The following DHX15 variants were observed in gnomAD, a reference collection of about 807,000 sequenced individuals.
DHX15 encodes the protein DEAH-box helicase 15.
In DHX15, 11 loss-of-function variants were observed where a neutral mutation model predicts 94.4. The ratio of observed to expected loss-of-function variants is 0.12; its 90% CI spans 0.07 to 0.19. The LOEUF (loss-of-function observed/expected upper bound fraction) is 0.19, where lower values mean the gene tolerates loss of function less well. Ranked by LOEUF, DHX15 falls within the 10% of genes least tolerant of loss-of-function variation. The pLI is 1.00. For synonymous variants in DHX15, 338 were observed against 329.9 expected, an observed-to-expected ratio of 1.02 and a Z score of -0.27; for missense variants, 304 against 988.5, an observed-to-expected ratio of 0.31 and a Z score of 9.29.
intron 6 of DHX15, among the ~76,000 whole-genome samples, chr4:24,548,138 T>C (rs998416270): frequency 2.9e-5 from 4 of 139,476 alleles, no homozygotes; most frequent in African/African-American, 7.9e-5. Flanking sequence ...TGATCAGTGC[T>C]ACTTTTTTTT....
intron 5 of DHX15, among the ~76,000 whole-genome samples, chr4:24,554,000 C>T (rs1010227087): frequency 6.6e-6 from 1 of 151,926 alleles, no homozygotes; most frequent in African/African-American, 2.4e-5. Context: ...GAGTGGATCA[C>T]GAGGTCAGGA....
At chr4:24,545,420 C>T (rs910162327) in intron 6 of DHX15, among the ~76,000 whole-genome samples, 1 of 152,148 alleles carries the variant, frequency 6.6e-6, no homozygotes, top group South Asian at 2.1e-4. Flanking sequence ...CTTAACAATT[C>T]GCGGATACAT....
intron 3 of DHX15, among the ~76,000 whole-genome samples, chr4:24,565,371 G>A (rs1721970233): frequency 6.6e-6 from 1 of 152,164 alleles, no homozygotes; most frequent in African/African-American, 2.4e-5. Context: ...AACTGCCTCA[G>A]TGTTAAATAA....
At chr4:24,547,961 C>A (rs1167450280) in intron 6 of DHX15, among the ~76,000 whole-genome samples, 19 of 107,038 alleles carry the variant, frequency 1.8e-4, no homozygotes, top group African/African-American at 7.1e-4. Flanking sequence ...ATATCTATAT[C>A]TATCTGCTGA....
intron 6 of DHX15, among the ~76,000 whole-genome samples, chr4:24,544,731 T>C (rs1030236070): frequency 1.3e-5 from 2 of 152,330 alleles, no homozygotes; most frequent in South Asian, 2.1e-4. Context: ...CAAGCTTGTA[T>C]TCCTTTTATA....
chr4:24,553,420 G>C (rs1356635875), intron 5 of DHX15, among the ~76,000 whole-genome samples: 1 of 152,030 alleles, frequency 6.6e-6, no homozygotes, highest in Non-Finnish European at 1.5e-5. Flanking sequence ...AGGACAAAAC[G>C]ATTATCCCAA....
intron 13 of DHX15, 53 bp from the exon 14 acceptor site, chr4:24,528,094 G>A: frequency 7.9e-7 from 1 of 1,263,002 alleles, no homozygotes; most frequent in Non-Finnish European, 1.2e-6. Context: ...TTGAAGTACT[G>A]GAGTTGTTAA....
chr4:24,562,148 AAAAAAAAT>A (rs1293170639), intron 3 of DHX15, among the ~76,000 whole-genome samples: 4 of 147,384 alleles, frequency 2.7e-5, no homozygotes, highest in African/African-American at 7.7e-5. Context: ...AAAAAAAAAA[AAAAAAAAT>A]CTGTACACCA....
chr4:24,574,372 G>C (rs1014294980), intron 2 of DHX15, among the ~76,000 whole-genome samples: 3 of 152,084 alleles, frequency 2.0e-5, no homozygotes, highest in African/African-American at 7.2e-5. Flanking sequence ...TTTTTAAACT[G>C]TTTGGTTTCC....
At chr4:24,543,648 C>T (rs1283148824) in intron 6 of DHX15, among the ~76,000 whole-genome samples, 1 of 152,016 alleles carries the variant, frequency 6.6e-6, no homozygotes, top group South Asian at 2.1e-4. Flanking sequence ...TCTTTATTGA[C>T]GGAAAATGTT....
chr4:24,553,013 T>C (rs577643437), intron 5 of DHX15, among the ~76,000 whole-genome samples: 4 of 152,238 alleles, frequency 2.6e-5, no homozygotes, highest in Admixed American at 1.3e-4. Flanking sequence ...ATGACAATTT[T>C]AAATAGTGAT....
At chr4:24,566,678 T>G (rs1459481799) in intron 3 of DHX15, among the ~76,000 whole-genome samples, 2 of 151,928 alleles carry the variant, frequency 1.3e-5, no homozygotes, top group African/African-American at 4.8e-5. Flanking sequence ...ATACAAAAAG[T>G]AGCTGGGCAT....
intron 6 of DHX15, among the ~76,000 whole-genome samples, chr4:24,544,122 T>A (rs1375355885): frequency 1.3e-5 from 2 of 152,112 alleles, no homozygotes; most frequent in East Asian, 1.9e-4. Flanking sequence ...TAAAGTTCCA[T>A]CTTAAAAAAA....
chr4:24,532,740 T>C, intron 12 of DHX15, 124 bp downstream of exon 12: 2 of 694,440 alleles, frequency 2.9e-6, no homozygotes, highest in Non-Finnish European at 4.7e-6. Flanking sequence ...TGTACCAACA[T>C]TTAAGATAAA....
chr4:24,538,195 T>C (rs1721233283), intron 10 of DHX15: 1 of 152,188 alleles, frequency 6.6e-6, no homozygotes, highest in South Asian at 2.1e-4. Context: ...TTTTAAAAGC[T>C]CTTAAAACCT....
chr4:24,568,635 T>C (rs1425731239), intron 3 of DHX15, among the ~76,000 whole-genome samples: 2 of 152,170 alleles, frequency 1.3e-5, no homozygotes, highest in Non-Finnish European at 2.9e-5. Flanking sequence ...AGCACCAATA[T>C]TGCATAACTT....
At chr4:24,549,121 C>T (rs1721529888) in intron 5 of DHX15, 99 bp from the exon 6 acceptor site, 2 of 960,070 alleles carry the variant, frequency 2.1e-6, no homozygotes, top group South Asian at 5.7e-5. Flanking sequence ...ATGCCATCTT[C>T]TTTCACTTCA....
intron 7 of DHX15, 113 bp downstream of exon 7, chr4:24,542,827 T>TA (rs957364592): frequency 7.6e-4 from 585 of 767,872 alleles, no homozygotes; most frequent in South Asian, 9.9e-4. Flanking sequence ...AATTTGCAAA[T>TA]AAAAAAAAAG....
intron 2 of DHX15, among the ~76,000 whole-genome samples, chr4:24,575,099 T>C (rs1345485345): frequency 2.0e-5 from 3 of 151,370 alleles, no homozygotes; most frequent in African/African-American, 7.3e-5. Context: ...TGACGCTGTG[T>C]TCATACCACT....
Sources: gnomAD v4.1 joint callset for allele counts (sites outside exome capture counted in the v4.1 genomes callset) on GRCh38, gnomAD v4.1.1 for gene constraint, MANE v1.5 for transcripts, NCBI Gene and HGNC (gene_info 2026-07-23, HGNC 2026-07-21) for gene names.